ARHGAP11A: variants seen among roughly 807,000 people sequenced by gnomAD.
ARHGAP11A encodes the protein rho GTPase-activating protein 11A.
Under a neutral mutation model 60.5 loss-of-function variants are expected in ARHGAP11A, and 36 were observed. That is an observed-to-expected ratio of 0.59 (90% CI 0.46 to 0.79). ARHGAP11A has a LOEUF of 0.79. Among genes scored for constraint, ARHGAP11A ranks in the 30% least tolerant of loss-of-function variants. ARHGAP11A has a pLI of 0.00. For missense variants in ARHGAP11A, 1,071 were observed against 1,199.2 expected, an observed-to-expected ratio of 0.89 and a Z score of 1.58; for synonymous variants, 362 against 415.5, an observed-to-expected ratio of 0.87 and a Z score of 1.57.
intron 9 of ARHGAP11A, 149 bp downstream of exon 9, chr15:32,633,257 C>T (rs2053626987): frequency 2.4e-6 from 2 of 826,780 alleles, no homozygotes; most frequent in South Asian, 4.1e-5. Context: ...AATCAATTGC[C>T]TTTTCAATAC....
Position 32,633,028 on chromosome 15 carries a change from T to C in ARHGAP11A, c.1155T>C (p.Pro385=). The change falls in exon 9 of 12, where the codon CCT becomes CCC. Residue 385 remains proline, a synonymous_variant. Transcript: ENST00000361627. Reference sequence around the variant, plus strand: ...GGTCATCTCAGAGTTCACTCTCTCCTGTACTCATTGGTGGAAACCATTTGA... The same window carrying C: ...GGTCATCTCAGAGTTCACTCTCTCCCGTACTCATTGGTGGAAACCATTTGA... The part of the protein sequence containing the change: ...SEGSSQSSLS[P]VLIGGNHLIT... The C allele has an allele frequency of 6.2e-7, 1 of 1,614,138 alleles. No individual in the cohort carries two copies. The highest frequency in any genetic ancestry group is 8.5e-7 in the Non-Finnish European group (1 of 1,179,966).
intron 1 of ARHGAP11A, among the ~76,000 whole-genome samples, chr15:32,617,672 C>T (rs1313606927): frequency 6.6e-6 from 1 of 152,052 alleles, no homozygotes; most frequent in Non-Finnish European, 1.5e-5. Flanking sequence ...CGGGATTTCA[C>T]CGTGTTAGCC....
In ARHGAP11A at chr15:32,639,001, T is replaced by G. The variant is rs1477659705; in HGVS notation, c.*1156T>G. 1 of 152,656 alleles carries G rather than the reference T, an allele frequency of 6.6e-6. No individual in the cohort carries two copies. Among genetic ancestry groups the G allele is most frequent in the Non-Finnish European group, 1.5e-5 (1 of 68,036 alleles). The allele number at this position is 152,656 out of a possible 1,614,324, so 9.5% of individuals were successfully genotyped here. On this transcript the variant is annotated 3_prime_UTR_variant, in exon 12 of 12. Transcript: ENST00000361627. ...GATGATTTTGTCCTGTGTGTAAATG[T>G]TATTTATTTAGCATAGACATTAAAG...
chr15:32,620,261 A>C (rs927875446), intron 2 of ARHGAP11A, 83 bp downstream of exon 2: 3 of 1,609,264 alleles, frequency 1.9e-6, no homozygotes, highest in Non-Finnish European at 1.7e-6. Context: ...GAGGTGGGCA[A>C]ATCACTTGAG....
chr15:32,617,913 G>C (rs1316560906), intron 1 of ARHGAP11A, among the ~76,000 whole-genome samples: 3 of 152,150 alleles, frequency 2.0e-5, no homozygotes, highest in Non-Finnish European at 2.9e-5. Context: ...TATATATAAA[G>C]TGGGAACGTA....
At chr15:32,634,686 G>T (rs895933161) in intron 10 of ARHGAP11A, among the ~76,000 whole-genome samples, 1 of 152,126 alleles carries the variant, frequency 6.6e-6, no homozygotes, top group Non-Finnish European at 1.5e-5. Context: ...CTGCTGCTAT[G>T]CCCTGCACCA....
chr15:32,617,850 A>G (rs1371036075), intron 1 of ARHGAP11A, among the ~76,000 whole-genome samples: 3 of 152,102 alleles, frequency 2.0e-5, no homozygotes, highest in Admixed American at 2.0e-4. Flanking sequence ...TTCCACCCCT[A>G]CTACATCTGT....
intron 2 of ARHGAP11A, 105 bp downstream of exon 2, chr15:32,620,283 A>T: frequency 1.3e-6 from 2 of 1,590,110 alleles, no homozygotes; most frequent in Non-Finnish European, 1.7e-6. Flanking sequence ...CCAGGAGCTT[A>T]AGACCAGCCT....
intron 5 of ARHGAP11A, 91 bp downstream of exon 5, chr15:32,625,334 G>A (rs1388897954): frequency 2.7e-6 from 4 of 1,469,220 alleles, no homozygotes; most frequent in East Asian, 2.3e-5. Flanking sequence ...CTGTTAGAAA[G>A]TTGGTATATT....
In ARHGAP11A at chr15:32,629,941, AGTGT is replaced by A. The variant is rs376208322; in HGVS notation, c.1105+210_1105+213del. ...TTTAAAATAGACACTGTTTCAATAT[AGTGT>A]GTGTGTGTGTGTGTGTGTGTGTGTG... On this transcript the variant is annotated intron_variant, in intron 8 of 11. Coordinates refer to ENST00000361627, the MANE Select transcript of ARHGAP11A (RefSeq NM_014783.6). Among the ~76,000 whole-genome samples, 174 of 101,680 alleles carry A rather than the reference AGTGT, an allele frequency of 1.7e-3. 13 individuals are homozygous for A. The Middle Eastern group carries it at 0.021, about 12-fold the overall frequency. 66.7% of individuals were successfully genotyped at this position (101,680 alleles called of 152,430 possible).
intron 8 of ARHGAP11A, among the ~76,000 whole-genome samples, chr15:32,630,622 A>T (rs373097371): frequency 2.6e-5 from 4 of 152,018 alleles, no homozygotes; most frequent in East Asian, 1.9e-4. Context: ...TTGATTCATT[A>T]TCTGAGTTAT....
Position 32,637,530 on chromosome 15 carries a change from A to G in ARHGAP11A, c.2757A>G (p.Ser919=). 6.2e-7 allele frequency: 1 copy of G among 1,614,042 alleles called. No individual in the cohort carries two copies. The highest frequency in any genetic ancestry group is 1.1e-5 in the South Asian group (1 of 91,056). ...EESNIGAISK[S]SMELPSKSFL... ...CAAATATTGGTGCAATTTCAAAGTC[A>G]AGCATGGAGTTACCCTCGAAATCTT... The change falls in exon 12 of 12, where the codon TCA becomes TCG. Residue 919 remains serine (S), a synonymous_variant. Coordinates refer to ENST00000361627, the MANE Select transcript of ARHGAP11A (RefSeq NM_014783.6).
At chr15:32,622,515 C>A (rs1206383137) in intron 2 of ARHGAP11A, among the ~76,000 whole-genome samples, 2 of 152,152 alleles carry the variant, frequency 1.3e-5, no homozygotes, top group Non-Finnish European at 2.9e-5. Context: ...AATTTCATGA[C>A]CTACTTTTTA....
Position 32,620,005 on chromosome 15 carries a change from T to A in ARHGAP11A, c.130-103T>A, listed in dbSNP as rs1437600544. On this transcript the variant is annotated intron_variant, in intron 1 of 11. Transcript: ENST00000361627. ...TGATAGATAGTTTATCATTTATTTC[T>A]GATTTTTTTTTAATTTCCTGAGTTC... 4.5e-6 allele frequency: 7 copies of A among 1,559,338 alleles called. No homozygotes were observed. The Admixed American group carries it at 1.4e-4, about 31-fold the overall frequency.
chr15:32,632,835 G>T (rs2053615262), intron 8 of ARHGAP11A, 144 bp from the exon 9 acceptor site: 2 of 746,882 alleles, frequency 2.7e-6, no homozygotes, highest in South Asian at 3.2e-5. Flanking sequence ...TTTGACACTT[G>T]AAGTTTCTAA....
intron 8 of ARHGAP11A, among the ~76,000 whole-genome samples, chr15:32,630,517 A>G (rs1168505457): frequency 1.3e-5 from 2 of 150,108 alleles, no homozygotes; most frequent in Non-Finnish European, 3.0e-5. Context: ...AGGGTCCTCC[A>G]TCTCATTTAT....
chr15:32,622,152 C>G (rs1216978154), intron 2 of ARHGAP11A, among the ~76,000 whole-genome samples: 6 of 152,424 alleles, frequency 3.9e-5, no homozygotes, highest in African/African-American at 1.4e-4. Context: ...GGCACAGGAG[C>G]TCATGCCTGT....
intron 11 of ARHGAP11A, 94 bp downstream of exon 11, chr15:32,636,009 G>A (rs2053705142): frequency 1.4e-6 from 2 of 1,442,866 alleles, no homozygotes; most frequent in African/African-American, 2.9e-5. Flanking sequence ...TACTGTTCTA[G>A]AGATTAAAAG....
In ARHGAP11A at chr15:32,629,664, A is replaced by G; in HGVS notation, c.1007A>G (p.His336Arg). Residue 336 changes from histidine (H) to arginine (R), a missense_variant, in exon 8 of 12, where the codon CAT becomes CGT. Coordinates refer to ENST00000361627, the MANE Select transcript of ARHGAP11A (RefSeq NM_014783.6). ...CGTACATTGCCAGTAGATTCTTCTC[A>G]TGGTTTCTCAAGTAAGAAAAGGAAG... is the stretch of plus-strand genomic sequence containing the variant. ...AKRTLPVDSS[H>R]GFSSKKRKSI... is the part of the protein sequence containing the mutation. 2 of 1,613,636 alleles carry G rather than the reference A, an allele frequency of 1.2e-6. No homozygotes were observed. Among genetic ancestry groups the G allele is most frequent in the Non-Finnish European group, 8.5e-7 (1 of 1,179,778 alleles).
Sources: gnomAD v4.1 joint callset for allele counts (sites outside exome capture counted in the v4.1 genomes callset) on GRCh38, gnomAD v4.1.1 for gene constraint, MANE v1.5 for transcripts, NCBI Gene and HGNC (gene_info 2026-07-23, HGNC 2026-07-21) for gene names.